The following GRIN2A variants were observed in gnomAD, a reference collection of about 807,000 sequenced individuals.
GRIN2A encodes the protein glutamate receptor ionotropic, NMDA 2A.
Under a neutral mutation model 113.4 loss-of-function variants are expected in GRIN2A, and 22 were observed. The observed-to-expected ratio is 0.19, with a 90% CI of 0.14 to 0.28. GRIN2A has a LOEUF of 0.28. Ranked by LOEUF, GRIN2A falls within the 10% of genes least tolerant of loss-of-function variation. The pLI is 1.00. For missense variants in GRIN2A, 1,502 were observed against 1,887.0 expected (o/e 0.80, Z 3.78); for synonymous variants, 827 against 738.4 (o/e 1.12, Z -1.94).
intron 2 of GRIN2A, among the ~76,000 whole-genome samples, chr16:10,098,834 C>CAA (rs2048342673): frequency 1.3e-5 from 2 of 151,966 alleles, no homozygotes; most frequent in Admixed American, 1.3e-4. Context: ...TAAAAGACTA[C>CAA]AAATTGGATT....
chr16:10,154,734 G>A (rs1370068192), intron 2 of GRIN2A, among the ~76,000 whole-genome samples: 1 of 152,178 alleles, frequency 6.6e-6, no homozygotes, highest in Non-Finnish European at 1.5e-5. Context: ...GCAGTCCAAG[G>A]TTTCTCAGAG....
intron 2 of GRIN2A, among the ~76,000 whole-genome samples, chr16:10,168,981 T>C (rs747471554): frequency 8.8e-5 from 5 of 56,714 alleles, no homozygotes; most frequent in Non-Finnish European, 2.2e-4. Context: ...ATAACAATAA[T>C]AATAATAATA....
intron 4 of GRIN2A, among the ~76,000 whole-genome samples, chr16:9,862,020 A>G (rs547713134): frequency 5.3e-5 from 8 of 152,314 alleles, no homozygotes; most frequent in South Asian, 2.1e-4. Context: ...GAATCAGTAG[A>G]TCTGGGATAA....
At chr16:9,966,387 G>T (rs2045557021) in intron 2 of GRIN2A, among the ~76,000 whole-genome samples, 1 of 152,108 alleles carries the variant, frequency 6.6e-6, no homozygotes, top group Admixed American at 6.5e-5. Flanking sequence ...ATCTGTTCCT[G>T]TGTTAGTTTC....
At chr16:9,981,376 A>T (rs1256984683) in intron 2 of GRIN2A, among the ~76,000 whole-genome samples, 1 of 152,220 alleles carries the variant, frequency 6.6e-6, no homozygotes, top group Non-Finnish European at 1.5e-5. Context: ...GTCACTTTAT[A>T]TTCTTTTTAA....
At chr16:10,099,762 A>C (rs956230564) in intron 2 of GRIN2A, among the ~76,000 whole-genome samples, 1 of 152,174 alleles carries the variant, frequency 6.6e-6, no homozygotes, top group Non-Finnish European at 1.5e-5. Context: ...TTCACTCCCA[A>C]ATAGAAGGAA....
Position 9,804,574 on chromosome 16 carries a change from T to A in GRIN2A, c.2169-6110A>T, listed in dbSNP as rs1178954346. On this transcript the variant is annotated intron_variant, in intron 10 of 12. Transcript: ENST00000330684. Reference sequence around the variant, plus strand: ...TCTGAGAACTGTGGGATGTTGCCTGTGATGAGGACAGAGACACCATCTGAC... The same window carrying A: ...TCTGAGAACTGTGGGATGTTGCCTGAGATGAGGACAGAGACACCATCTGAC... Among the ~76,000 whole-genome samples, 3 of 152,142 alleles carry A rather than the reference T, an allele frequency of 2.0e-5. No homozygotes were observed. In the East Asian group the frequency reaches 5.8e-4, roughly 29 times the overall value.
chr16:10,134,277 C>G (rs1300587909), intron 2 of GRIN2A, among the ~76,000 whole-genome samples: 1 of 151,974 alleles, frequency 6.6e-6, no homozygotes, highest in Non-Finnish European at 1.5e-5. Context: ...ATAATCCTCT[C>G]CCATCTCTGT....
chr16:10,134,780 C>CA (rs1481298032), intron 2 of GRIN2A, among the ~76,000 whole-genome samples: 3 of 151,850 alleles, frequency 2.0e-5, no homozygotes, highest in Admixed American at 1.3e-4. Context: ...CTCCATCAGA[C>CA]AAAAAATGGT....
chr16:9,780,992 A>ATTT (rs779506318), intron 11 of GRIN2A, among the ~76,000 whole-genome samples: 1 of 53,896 alleles, frequency 1.9e-5, no homozygotes, highest in African/African-American at 1.3e-4. Context: ...GAGGTCACTA[A>ATTT]TCTTTTTTTT....
intron 2 of GRIN2A, among the ~76,000 whole-genome samples, chr16:10,146,043 G>C (rs555325529): frequency 2.6e-4 from 40 of 152,198 alleles, no homozygotes; most frequent in African/African-American, 8.7e-4. Context: ...GACACCCTTG[G>C]TGCCAGGTAG....
chr16:10,034,864 T>C (rs1027176835), intron 2 of GRIN2A, among the ~76,000 whole-genome samples: 4 of 152,202 alleles, frequency 2.6e-5, no homozygotes, highest in African/African-American at 9.6e-5. Context: ...ACAGTCCTAA[T>C]AGGTCAGCTA....
In GRIN2A at chr16:10,029,435, C is replaced by T. The variant is rs541577223; in HGVS notation, c.415-90884G>A. ...CCTCAAACCCCTTAGGTCAGGTGAT[C>T]CTCCCGCCTCGGCCTCCCGAAGTGC... On this transcript the variant is annotated intron_variant, in intron 2 of 12. Coordinates refer to ENST00000330684, the MANE Select transcript of GRIN2A (RefSeq NM_001134407.3). 2.6e-5 allele frequency among the ~76,000 whole-genome samples: 4 copies of T among 152,224 alleles called. No homozygotes were observed. The South Asian group carries it at 8.3e-4, about 32-fold the overall frequency.
chr16:10,086,572 G>A (rs1193595547), intron 2 of GRIN2A, among the ~76,000 whole-genome samples: 1 of 131,726 alleles, frequency 7.6e-6, no homozygotes, highest in Non-Finnish European at 1.5e-5. Flanking sequence ...AGCCCCAGGA[G>A]AAGCTGCACC....
At chr16:9,890,668 T>C (rs2043675178) in intron 4 of GRIN2A, among the ~76,000 whole-genome samples, 1 of 152,220 alleles carries the variant, frequency 6.6e-6, no homozygotes, top group African/African-American at 2.4e-5. Context: ...CATTGCTACA[T>C]AGTCAACACT....
intron 10 of GRIN2A, among the ~76,000 whole-genome samples, chr16:9,817,851 C>G (rs549792585): frequency 6.6e-5 from 10 of 152,196 alleles, no homozygotes; most frequent in Non-Finnish European, 1.0e-4. Flanking sequence ...TGAGACCCAG[C>G]AGCTGAGCCA....
intron 2 of GRIN2A, among the ~76,000 whole-genome samples, chr16:10,146,135 T>C (rs2049434299): frequency 6.6e-6 from 1 of 152,206 alleles, no homozygotes; most frequent in Non-Finnish European, 1.5e-5. Flanking sequence ...ATTTTTTTTT[T>C]GAGATGGAGT....
At chr16:9,904,466 G>A (rs1024936925) in intron 3 of GRIN2A, among the ~76,000 whole-genome samples, 5 of 152,064 alleles carry the variant, frequency 3.3e-5, no homozygotes, top group African/African-American at 1.2e-4. Flanking sequence ...CCACCTCCCG[G>A]GTTCAAGCAA....
chr16:9,766,241 A>C (rs1900915638), intron 12 of GRIN2A, among the ~76,000 whole-genome samples: 1 of 152,184 alleles, frequency 6.6e-6, no homozygotes, highest in East Asian at 1.9e-4. Flanking sequence ...ACAGGAAAGT[A>C]AGTGTGATTA....
Sources: gnomAD v4.1 joint callset for allele counts (sites outside exome capture counted in the v4.1 genomes callset) on GRCh38, gnomAD v4.1.1 for gene constraint, MANE v1.5 for transcripts, NCBI Gene and HGNC (gene_info 2026-07-23, HGNC 2026-07-21) for gene names.